BLTP3A: variants seen among roughly 807,000 people sequenced by gnomAD.
BLTP3A encodes bridge-like lipid transfer protein family member 3A, also known as ICBP90 binding protein 1.
At chr6:34,798,594 C>CTTTTTTTT in the BLTP3A span, among the ~76,000 whole-genome samples, 11,772 of 91,580 alleles carry the variant, frequency 0.13, 514 homozygotes, top group East Asian at 0.21. Flanking sequence ...TTCTTTCTTT[C>CTTTTTTTT]TTTTTTTTTT....
chr6:34,800,531 G>A, the BLTP3A span, among the ~76,000 whole-genome samples: 1,893 of 152,186 alleles, frequency 0.012, 30 homozygotes, highest in African/African-American at 0.038. Context: ...AGTTCATCCC[G>A]TATCTTTAAG....
chr6:34,807,778 G>A, the BLTP3A span, among the ~76,000 whole-genome samples: 1 of 152,176 alleles, frequency 6.6e-6, no homozygotes, highest in African/African-American at 2.4e-5. Context: ...GGTGGCTCAC[G>A]CCTCTAATCC....
chr6:34,814,712 C>T, the BLTP3A span, among the ~76,000 whole-genome samples: 2 of 152,034 alleles, frequency 1.3e-5, no homozygotes, highest in African/African-American at 4.8e-5. Flanking sequence ...GAAAATTAGC[C>T]CTGGGCATGC....
the BLTP3A span, among the ~76,000 whole-genome samples, chr6:34,853,080 CCTT>C: frequency 2.0e-5 from 3 of 152,184 alleles, no homozygotes; most frequent in East Asian, 5.8e-4. Flanking sequence ...GTCTTTTCTA[CCTT>C]CTTTGGTGCA....
the BLTP3A span, chr6:34,859,651 G>A: frequency 6.4e-7 from 1 of 1,557,100 alleles, no homozygotes. Flanking sequence ...CTCTTACTAT[G>A]TGCATTTCTA....
the BLTP3A span, among the ~76,000 whole-genome samples, chr6:34,797,141 A>G: frequency 1.3e-5 from 2 of 152,226 alleles, no homozygotes; most frequent in Admixed American, 6.5e-5. Flanking sequence ...GAGTCGCTAT[A>G]TAATGTAGCC....
At chr6:34,841,872 G>T in the BLTP3A span, among the ~76,000 whole-genome samples, 1 of 152,210 alleles carries the variant, frequency 6.6e-6, no homozygotes, top group Non-Finnish European at 1.5e-5. Flanking sequence ...TGATGGGGAA[G>T]AGAGTACCAC....
At chr6:34,825,068 CCA>C in the BLTP3A span, among the ~76,000 whole-genome samples, 2 of 152,134 alleles carry the variant, frequency 1.3e-5, no homozygotes, top group Admixed American at 6.5e-5. Flanking sequence ...TTATATCCCA[CCA>C]CACACACATT....
At chr6:34,827,109 G>A in the BLTP3A span, among the ~76,000 whole-genome samples, 9 of 152,192 alleles carry the variant, frequency 5.9e-5, no homozygotes, top group South Asian at 2.1e-4. Context: ...TCAGGAGATC[G>A]AGACCAGCCT....
At chr6:34,866,666 T>A in the BLTP3A span, among the ~76,000 whole-genome samples, 1 of 152,230 alleles carries the variant, frequency 6.6e-6, no homozygotes, top group Admixed American at 6.5e-5. Flanking sequence ...GTACAATCAT[T>A]ACTACTGTCT....
chr6:34,834,550 C>T, the BLTP3A span: 8 of 1,353,524 alleles, frequency 5.9e-6, no homozygotes, highest in African/African-American at 8.8e-5. Flanking sequence ...TCCAGTGTTA[C>T]TGCTACATCC....
the BLTP3A span, among the ~76,000 whole-genome samples, chr6:34,795,159 C>G: frequency 6.6e-6 from 1 of 152,010 alleles, no homozygotes; most frequent in East Asian, 1.9e-4. Context: ...TCATGGCACT[C>G]TACAGCCTTG....
chr6:34,853,665 A>T, the BLTP3A span, among the ~76,000 whole-genome samples: 1 of 151,862 alleles, frequency 6.6e-6, no homozygotes, highest in East Asian at 1.9e-4. Flanking sequence ...GGTTCAAGGG[A>T]TTCTCCTACC....
the BLTP3A span, chr6:34,871,213 C>T: frequency 7.3e-7 from 1 of 1,372,116 alleles, no homozygotes; most frequent in Non-Finnish European, 9.9e-7. Context: ...TTAACCTCTT[C>T]CCTTTTCACT....
At chr6:34,872,244 T>A in the BLTP3A span, 4 of 1,532,854 alleles carry the variant, frequency 2.6e-6, no homozygotes, top group Non-Finnish European at 3.5e-6. Context: ...TCCTCCCTGT[T>A]CCCTTTACTG....
chr6:34,876,046 A>G, the BLTP3A span: 1 of 152,620 alleles, frequency 6.6e-6, no homozygotes, highest in African/African-American at 2.4e-5. Context: ...GATTGTCTGC[A>G]TTTCCTGTTT....
chr6:34,865,951 C>CAAA, the BLTP3A span, among the ~76,000 whole-genome samples: 1 of 152,232 alleles, frequency 6.6e-6, no homozygotes, highest in African/African-American at 2.4e-5. Context: ...TGGCTCACGC[C>CAAA]TGTAATCCCA....
the BLTP3A span, among the ~76,000 whole-genome samples, chr6:34,811,674 A>ACCC: frequency 6.6e-5 from 5 of 75,630 alleles, no homozygotes; most frequent in East Asian, 1.5e-3. Context: ...ACATGGTGAG[A>ACCC]CCCCCCCCCC....
the BLTP3A span, chr6:34,875,657 A>C: frequency 6.6e-6 from 1 of 152,106 alleles, no homozygotes; most frequent in Admixed American, 6.6e-5. Context: ...GGAGCCTTAG[A>C]ATTTCTGTCT....
Sources: allele counts gnomAD v4.1 joint callset (sites outside exome capture counted in the v4.1 genomes callset), GRCh38; gene constraint gnomAD v4.1.1; transcripts MANE v1.5; gene names NCBI Gene and HGNC (gene_info 2026-07-23, HGNC 2026-07-21).